GDF15: variants seen among roughly 807,000 people sequenced by gnomAD.
GDF15 encodes growth/differentiation factor 15.
In GDF15, 10 loss-of-function variants were observed where a neutral mutation model predicts 8.9. That is an observed-to-expected ratio of 1.12 (90% confidence interval 0.69 to 1.90). GDF15 has a LOEUF of 1.90. GDF15 is among the 40% of genes most tolerant of loss of function. The pLI, the probability that GDF15 is intolerant of heterozygous loss-of-function variation, is 0.00. For missense variants in GDF15, 452 were observed against 434.2 expected (o/e 1.04, Z -0.36); for synonymous variants, 228 against 210.6 (o/e 1.08, Z -0.72).
chr19:18,387,109 T>C, intron 1 of GDF15: 1 of 153,084 alleles, frequency 6.5e-6, no homozygotes, highest in Non-Finnish European at 1.5e-5. Flanking sequence ...CCGGCAAACC[T>C]CTCACCCTTG....
In GDF15 at chr19:18,388,977, G is replaced by T. The variant is rs1371682703; in HGVS notation, c.*42G>T. ...CACTGTGCACCTGCGCGGAGGACGC[G>T]ACCTCAGTTGTCCTGCCCTGTGGAA... On this transcript the variant is annotated 3_prime_UTR_variant, in exon 2 of 2. Transcript: ENST00000252809. This position sits in a 1 kb window ranked among gnomAD's most constrained non-coding sequence, Gnocchi z 4.2. 7.1e-7 allele frequency: 1 copy of T among 1,413,784 alleles called. No homozygotes were observed. The highest frequency in any genetic ancestry group is 1.3e-5 in the South Asian group (1 of 78,550). The allele number at this position is 1,413,784 out of a possible 1,614,324, so 87.6% of individuals were successfully genotyped here.
In GDF15 at chr19:18,388,606, G is replaced by T. The variant is rs565768917; in HGVS notation, c.598G>T (p.Gly200Trp). 1.6e-5 allele frequency: 26 copies of T among 1,600,262 alleles called. No homozygotes were observed. The Admixed American group carries it at 1.7e-4, about 10-fold the overall frequency. Residue 200 changes from glycine to tryptophan, a missense_variant, in exon 2 of 2, where the codon GGG becomes TGG. Physicochemically the swap from Gly to Trp is radical, Grantham distance 184. Transcript: ENST00000252809. The surrounding 1 kb of genome is among the most constrained non-coding windows in gnomAD (Gnocchi z 4.2). ...GCGCCGCAGAGCGCGTGCGCGCAACGGGGACCACTGTCCGCTCGGGCCCGG... is the reference window on the plus strand; with the variant it reads ...GCGCCGCAGAGCGCGTGCGCGCAACTGGGACCACTGTCCGCTCGGGCCCGG... Reference protein sequence around the residue: ...RGRRRARARNGDHCPLGPGRC... With the variant: ...RGRRRARARNWDHCPLGPGRC...
At chr19:18,387,359 T>C (rs1971843456) in intron 1 of GDF15, among the ~76,000 whole-genome samples, 1 of 152,034 alleles carries the variant, frequency 6.6e-6, no homozygotes, top group Non-Finnish European at 1.5e-5. Context: ...AATCCATCTC[T>C]ACCAAAAATG....
intron 1 of GDF15, 145 bp downstream of exon 1, chr19:18,386,611 T>G: frequency 1.4e-6 from 1 of 690,462 alleles, no homozygotes; most frequent in Non-Finnish European, 2.4e-6. Flanking sequence ...TGGATCCCCT[T>G]GGGTCTGATG....
At position 18,388,620 on chromosome 19, in the gene GDF15, G is replaced by T. The variant is rs770227598; in HGVS notation, c.612G>T (p.Pro204=). The T allele has an allele frequency of 5.6e-6, 9 of 1,597,906 alleles. No homozygotes were observed. In the African/African-American group the frequency reaches 6.7e-5, roughly 12 times the overall value. Reference sequence around the variant, plus strand: ...GTGCGCGCAACGGGGACCACTGTCCGCTCGGGCCCGGGCGTTGCTGCCGTC... The same window carrying T: ...GTGCGCGCAACGGGGACCACTGTCCTCTCGGGCCCGGGCGTTGCTGCCGTC... The part of the protein sequence containing the change: ...RARARNGDHC[P]LGPGRCCRLH... The change falls in exon 2 of 2, where the codon CCG becomes CCT. Residue 204 remains proline, a synonymous_variant. Coordinates refer to ENST00000252809, the MANE Select transcript of GDF15 (RefSeq NM_004864.4). The surrounding 1 kb of genome is among the most constrained non-coding windows in gnomAD (Gnocchi z 4.2).
chr19:18,386,329 A>T lies in GDF15; in HGVS notation c.140A>T (p.His47Leu). The T allele has an allele frequency of 6.2e-7, 1 of 1,614,052 alleles. No homozygotes were observed. The highest frequency in any genetic ancestry group is 8.5e-7 in the Non-Finnish European group (1 of 1,180,004). Residue 47 changes from histidine (H) to leucine (L), a missense_variant, in exon 1 of 2, where the codon CAC (histidine) becomes CTC (leucine). By Grantham distance (99) the His-to-Leu change is moderately conservative. Transcript: ENST00000252809. ...AGTTTCCCGGGACCCTCAGAGTTGC[A>T]CTCCGAAGACTCCAGATTCCGAGAG... ...RASFPGPSEL[H>L]SEDSRFRELR...
At position 18,387,813 on chromosome 19, in the gene GDF15, C is replaced by CTTTTTTTTTTTTTT. The variant is rs538473844; in HGVS notation, c.278-460_278-447dup. Among the ~76,000 whole-genome samples the CTTTTTTTTTTTTTT allele has an allele frequency of 6.5e-3, 457 of 70,324 alleles. 87 individuals are homozygous for CTTTTTTTTTTTTTT. The highest frequency in any genetic ancestry group is 0.031 in the African/African-American group (382 of 12,384). 46.1% of individuals were successfully genotyped at this position (70,324 alleles called of 152,430 possible). A position where few individuals can be genotyped will look rare whatever the true frequency, so the allele number is the denominator to read the frequency against. On this transcript the variant is annotated intron_variant, in intron 1 of 1. Transcript: ENST00000252809. The stretch of plus-strand genomic sequence containing the variant: ...CAGGAGATTCAAGGGGAGAAATGCC[C>CTTTTTTTTTTTTTT]TTTTTTTTTTTTTTTTTTTTTTTTT...
In GDF15 at chr19:18,388,496, C is replaced by G. The variant is rs942188038; in HGVS notation, c.488C>G (p.Pro163Arg). The G allele has an allele frequency of 1.9e-6, 3 of 1,598,116 alleles. No homozygotes were observed. The highest frequency in any genetic ancestry group is 1.3e-5 in the African/African-American group (1 of 74,446). The change falls in exon 2 of 2, where the codon CCG becomes CGG. Residue 163 changes from proline to arginine, a missense_variant. Physicochemically the swap from Pro to Arg is moderately radical, Grantham distance 103. Transcript: ENST00000252809. The surrounding 1 kb of genome is among the most constrained non-coding windows in gnomAD (Gnocchi z 4.2). ...CTGCACCTGCGACTGTCGCCGCCGC[C>G]GTCGCAGTCGGACCAACTGCTGGCA... ...PALHLRLSPP[P>R]SQSDQLLAES...
At position 18,386,573 on chromosome 19, in the gene GDF15, C is replaced by T. The variant is rs1365326674; in HGVS notation, c.277+107C>T. 4 of 914,186 alleles carry T rather than the reference C, an allele frequency of 4.4e-6. No homozygotes were observed. In the South Asian group the frequency reaches 6.5e-5, roughly 15 times the overall value. The allele number at this position is 914,186 out of a possible 1,614,324, so 56.6% of individuals were successfully genotyped here. ...AGACCTACCTTTGAGCCTCAGTTGC[C>T]CCATCTGTGCCCTGGGTAGGAATAT... On this transcript the variant is annotated intron_variant, in intron 1 of 1. Coordinates refer to ENST00000252809, the MANE Select transcript of GDF15 (RefSeq NM_004864.4).
At position 18,386,391 on chromosome 19, in the gene GDF15, C is replaced by A. The variant is rs775710896; in HGVS notation, c.202C>A (p.Arg68=). The A allele has an allele frequency of 6.2e-7, 1 of 1,613,952 alleles. No individual in the cohort carries two copies. Among genetic ancestry groups the A allele is most frequent in the South Asian group, 1.1e-5 (1 of 91,082 alleles). The stretch of plus-strand genomic sequence containing the variant: ...CTACGAGGACCTGCTAACCAGGCTG[C>A]GGGCCAACCAGAGCTGGGAAGATTC... The part of the protein sequence containing the change: ...KRYEDLLTRL[R]ANQSWEDSNT... Residue 68 remains arginine (R), a synonymous_variant, in exon 1 of 2, where the codon CGG becomes AGG. Coordinates refer to ENST00000252809, the MANE Select transcript of GDF15 (RefSeq NM_004864.4).
At position 18,386,200 on chromosome 19, in the gene GDF15, A is replaced by G; in HGVS notation, c.11A>G (p.Gln4Arg). MPGQELRTVNGSQM... is the reference protein window; with the variant it reads MPGRELRTVNGSQM... The stretch of plus-strand genomic sequence containing the variant: ...GCAACCTGCACAGCCATGCCCGGGC[A>G]AGAACTCAGGACGGTGAATGGCTCT... Residue 4 changes from glutamine (Q) to arginine (R), a missense_variant, in exon 1 of 2, where the codon CAA (glutamine) becomes CGA (arginine). Coordinates refer to ENST00000252809, the MANE Select transcript of GDF15 (RefSeq NM_004864.4). The G allele has an allele frequency of 1.9e-6, 3 of 1,611,652 alleles. No individual in the cohort carries two copies. Among genetic ancestry groups the G allele is most frequent in the Non-Finnish European group, 2.5e-6 (3 of 1,179,310 alleles).
At chr19:18,386,762 G>A (rs1033543252) in intron 1 of GDF15, 7 of 451,488 alleles carry the variant, frequency 1.6e-5, no homozygotes, top group Non-Finnish European at 2.4e-5. Flanking sequence ...GGACGGGGTC[G>A]GGCGTGCGGT....
At position 18,386,173 on chromosome 19, in the gene GDF15, C is replaced by T; in HGVS notation, c.-17C>T. Reference sequence around the variant, plus strand: ...GCATCTGGTCAGTCCCAGCTCAGAGCCGCAACCTGCACAGCCATGCCCGGG... The same window carrying T: ...GCATCTGGTCAGTCCCAGCTCAGAGTCGCAACCTGCACAGCCATGCCCGGG... On this transcript the variant is annotated 5_prime_UTR_variant, in exon 1 of 2. Transcript: ENST00000252809. 3 of 1,605,840 alleles carry T rather than the reference C, an allele frequency of 1.9e-6. No homozygotes were observed. Among genetic ancestry groups the T allele is most frequent in the Non-Finnish European group, 2.6e-6 (3 of 1,175,642 alleles).
chr19:18,388,675 C>T lies in GDF15; in HGVS notation c.667C>T (p.Leu223=), dbSNP rs1378110660. The T allele has an allele frequency of 6.2e-7, 1 of 1,604,790 alleles. No homozygotes were observed. The highest frequency in any genetic ancestry group is 1.1e-5 in the South Asian group (1 of 90,854). Residue 223 remains leucine (L), a synonymous_variant, in exon 2 of 2, where the codon CTG becomes TTG. Coordinates refer to ENST00000252809, the MANE Select transcript of GDF15 (RefSeq NM_004864.4). This position sits in a 1 kb window ranked among gnomAD's most constrained non-coding sequence, Gnocchi z 4.2. ...CACGGTCCGCGCGTCGCTGGAAGACCTGGGCTGGGCCGATTGGGTGCTGTC... is the reference window on the plus strand; with the variant it reads ...CACGGTCCGCGCGTCGCTGGAAGACTTGGGCTGGGCCGATTGGGTGCTGTC... ...LHTVRASLED[L]GWADWVLSPR... is the part of the protein sequence containing the mutation.
Position 18,386,466 on chromosome 19 carries a change from G to A in GDF15, c.277G>A (p.Val93Met), listed in dbSNP as rs1375964470. The A allele has an allele frequency of 3.7e-6, 6 of 1,607,608 alleles. No individual in the cohort carries two copies. Among genetic ancestry groups the A allele is most frequent in the Non-Finnish European group, 4.3e-6 (5 of 1,175,348 alleles). Residue 93 changes from valine (V) to methionine (M), a missense_variant and splice_region_variant, in exon 1 of 2, where the codon GTG becomes ATG. Transcript: ENST00000252809. ...TGCAGTCCGGATACTCACGCCAGAA[G>A]GTAAGTGAAATCTTAGAGATCCCCT... ...APAVRILTPE[V>M]RLGSGGHLHL...
chr19:18,387,793 G>A, intron 1 of GDF15, among the ~76,000 whole-genome samples: 1 of 138,326 alleles, frequency 7.2e-6, no homozygotes, highest in South Asian at 2.3e-4. Context: ...AGATTCAGGA[G>A]ATTCAAGGGG....
chr19:18,387,470 C>T (rs1243555998), intron 1 of GDF15, among the ~76,000 whole-genome samples: 1 of 152,086 alleles, frequency 6.6e-6, no homozygotes, highest in Non-Finnish European at 1.5e-5. Context: ...ATTGAGGCTG[C>T]ACTGAGCCAT....
Position 18,388,299 on chromosome 19 carries a change from C to T in GDF15, c.291C>T (p.Ser97=), listed in dbSNP as rs756677303. The T allele has an allele frequency of 2.0e-5, 33 of 1,610,036 alleles. No individual in the cohort carries two copies. The South Asian group carries it at 3.1e-4, about 15-fold the overall frequency. Residue 97 remains serine, a synonymous_variant, in exon 2 of 2, where the codon TCC becomes TCT. Transcript: ENST00000252809. This position sits in a 1 kb window ranked among gnomAD's most constrained non-coding sequence, Gnocchi z 4.2. ...RILTPEVRLG[S]GGHLHLRISR... ...GTCTTCCCACAGTGCGGCTGGGATC[C>T]GGCGGCCACCTGCACCTGCGTATCT...
In GDF15 at chr19:18,388,482, A is replaced by G; in HGVS notation, c.474A>G (p.Arg158=). 1 of 1,606,226 alleles carries G rather than the reference A, an allele frequency of 6.2e-7. No homozygotes were observed. Among genetic ancestry groups the G allele is most frequent in the Non-Finnish European group, 8.5e-7 (1 of 1,178,390 alleles). The change falls in exon 2 of 2, where the codon CGA becomes CGG. Residue 158 remains arginine (R), a synonymous_variant. Transcript: ENST00000252809. The surrounding 1 kb of genome is among the most constrained non-coding windows in gnomAD (Gnocchi z 4.2). ...CCCAGGCGCCCGCGCTGCACCTGCG[A>G]CTGTCGCCGCCGCCGTCGCAGTCGG... ...ARPQAPALHL[R]LSPPPSQSDQ... is the part of the protein sequence containing the mutation.
Sources: allele counts gnomAD v4.1 joint callset (sites outside exome capture counted in the v4.1 genomes callset), GRCh38; gene constraint gnomAD v4.1.1; non-coding constraint Gnocchi (gnomAD v3.1); transcripts MANE v1.5; gene names NCBI Gene and HGNC (gene_info 2026-07-23, HGNC 2026-07-21).